Variants in ZFHX3 observed in about 807,000 individuals in gnomAD.
ZFHX3 encodes zinc finger homeobox protein 3.
In ZFHX3, 42 loss-of-function variants were observed where a neutral mutation model predicts 279.1. The ratio of observed to expected loss-of-function variants is 0.15; its 90% CI spans 0.12 to 0.19. The LOEUF (loss-of-function observed/expected upper bound fraction) is 0.19. Ranked by LOEUF, ZFHX3 falls within the 10% of genes least tolerant of loss-of-function variation. ZFHX3 has a pLI of 1.00. For synonymous variants in ZFHX3, 2,293 were observed against 1,957.8 expected, an observed-to-expected ratio of 1.17 and a Z score of -4.52; for missense variants, 4,981 against 4,754.0, an observed-to-expected ratio of 1.05 and a Z score of -1.40.
At chr16:73,703,411 A>T (rs1567556134) in intron 1 of ZFHX3, among the ~76,000 whole-genome samples, 1 of 152,210 alleles carries the variant, frequency 6.6e-6, no homozygotes. Flanking sequence ...TTAAAAGGAT[A>T]TATATTAATT....
intron 2 of ZFHX3, among the ~76,000 whole-genome samples, chr16:73,584,267 G>A (rs186637627): frequency 2.3e-4 from 35 of 152,246 alleles, no homozygotes; most frequent in African/African-American, 6.7e-4. Flanking sequence ...GACAAGTAAT[G>A]GAAGTCAGAT....
intron 2 of ZFHX3, among the ~76,000 whole-genome samples, chr16:73,462,045 G>T (rs911269281): frequency 6.6e-6 from 1 of 152,064 alleles, no homozygotes; most frequent in Non-Finnish European, 1.5e-5. Flanking sequence ...TATTTCATCA[G>T]CACTTTGCAG....
intron 5 of ZFHX3, among the ~76,000 whole-genome samples, chr16:73,149,816 G>A (rs901207062): frequency 1.3e-5 from 2 of 152,148 alleles, no homozygotes; most frequent in African/African-American, 4.8e-5. Flanking sequence ...ATTGTGCTAT[G>A]TAGACTCACA....
intron 2 of ZFHX3, among the ~76,000 whole-genome samples, chr16:73,470,277 G>C (rs79383016): frequency 1.3e-5 from 2 of 152,010 alleles, no homozygotes; most frequent in African/African-American, 4.8e-5. Context: ...AAGCTGTCTC[G>C]TCCTGTAATA....
intron 3 of ZFHX3, among the ~76,000 whole-genome samples, chr16:72,929,239 T>TAAAAAA (rs766113421): frequency 1.7e-5 from 2 of 116,884 alleles, no homozygotes; most frequent in Non-Finnish European, 3.7e-5. Flanking sequence ...AGACCCTGTC[T>TAAAAAA]AAAAAAAAAA....
intron 3 of ZFHX3, among the ~76,000 whole-genome samples, chr16:72,914,189 T>C (rs1272042164): frequency 6.6e-6 from 1 of 152,142 alleles, no homozygotes; most frequent in Non-Finnish European, 1.5e-5. Flanking sequence ...ACCATGTCAC[T>C]CCCACAGTGG....
At chr16:72,862,941 C>T (rs2037921923) in intron 4 of ZFHX3, among the ~76,000 whole-genome samples, 1 of 152,050 alleles carries the variant, frequency 6.6e-6, no homozygotes, top group African/African-American at 2.4e-5. Flanking sequence ...AACAAAGCAA[C>T]TATCAAAAAA....
chr16:73,027,491 GGGAATTT>G (rs1303273769), intron 1 of ZFHX3, among the ~76,000 whole-genome samples: 1 of 152,164 alleles, frequency 6.6e-6, no homozygotes, highest in East Asian at 1.9e-4. Context: ...GCCTTTTTAT[GGGAATTT>G]TTGCACAAAA....
At chr16:73,037,656 G>GA (rs144919379) in intron 1 of ZFHX3, among the ~76,000 whole-genome samples, 3,121 of 152,242 alleles carry the variant, frequency 0.021, 38 homozygotes, top group Non-Finnish European at 0.032. Flanking sequence ...GGAAACTCTA[G>GA]AATGCAACAC....
intron 7 of ZFHX3, among the ~76,000 whole-genome samples, chr16:72,806,513 A>G (rs561919746): frequency 3.9e-5 from 6 of 152,324 alleles, no homozygotes; most frequent in African/African-American, 1.4e-4. Flanking sequence ...ATCATCTCAC[A>G]GGGCTTGGAA....
intron 3 of ZFHX3, among the ~76,000 whole-genome samples, chr16:73,396,282 G>T (rs530248534): frequency 6.6e-6 from 1 of 152,332 alleles, no homozygotes; most frequent in African/African-American, 2.4e-5. Flanking sequence ...GCTTATTTAT[G>T]AATATCTTGC....
In ZFHX3 at chr16:72,788,089, GGCTGCTGCTGCTGCACTTTTTGCTGCT is replaced by G. The variant is rs780585284; in HGVS notation, c.10160_10186del (p.Gln3387_Gln3395del). On this transcript the variant is annotated inframe_deletion, in exon 10 of 10. Transcript: ENST00000268489. ...GGGGACTGGGGTTTGGCTTGCTTTG[GGCTGCTGCTGCTGCACTTTTTGCTGCT>G]GCTGCTGCTGTAGTTGCCGCTGCTG... The G allele has an allele frequency of 5.6e-6, 9 of 1,611,716 alleles. No homozygotes were observed. The highest frequency in any genetic ancestry group is 1.3e-5 in the African/African-American group (1 of 74,864).
intron 5 of ZFHX3, among the ~76,000 whole-genome samples, chr16:73,186,863 C>A (rs562884953): frequency 6.6e-6 from 1 of 152,288 alleles, no homozygotes; most frequent in Non-Finnish European, 1.5e-5. Context: ...ACTCCATTCT[C>A]CATTCTGTTG....
chr16:73,381,519 A>C (rs2143369436), intron 3 of ZFHX3, among the ~76,000 whole-genome samples: 1 of 152,348 alleles, frequency 6.6e-6, no homozygotes, highest in South Asian at 2.1e-4. Flanking sequence ...TTGGAATTTC[A>C]TCTATTACAA....
At chr16:73,173,008 GTTTTTTTTTTTT>G (rs869289153) in intron 5 of ZFHX3, among the ~76,000 whole-genome samples, 1 of 49,948 alleles carries the variant, frequency 2.0e-5, no homozygotes, top group Non-Finnish European at 3.2e-5. Context: ...TTTTTTTTTT[GTTTTTTTTTTTT>G]TTTTTTGGGA....
chr16:73,564,701 G>T (rs1268135088), intron 2 of ZFHX3, among the ~76,000 whole-genome samples: 1 of 152,112 alleles, frequency 6.6e-6, no homozygotes, highest in Non-Finnish European at 1.5e-5. Context: ...CTGTTTTCCA[G>T]CCTGACCCAC....
chr16:73,349,631 TCCC>T lies in ZFHX3; in HGVS notation c.-1290-31298_-1290-31296del, dbSNP rs1286042789. Among the ~76,000 whole-genome samples, 396 of 41,636 alleles carry T rather than the reference TCCC, an allele frequency of 9.5e-3. 34 individuals carry two copies. Among genetic ancestry groups the T allele is most frequent in the African/African-American group, 0.022 (295 of 13,696 alleles). The allele number at this position is 41,636 out of a possible 152,430, so 27.3% of individuals were successfully genotyped here. A position where few individuals can be genotyped will look rare whatever the true frequency, so the allele number is the denominator to read the frequency against. ...CTTACTTCCTCCCTCCCTTCCTCCC[TCCC>T]TCCCTCCCTCCCTCTCTCCCTCCTT... On this transcript the variant is annotated intron_variant, in intron 3 of 17. Transcript: ENST00000641206.
intron 4 of ZFHX3, among the ~76,000 whole-genome samples, chr16:73,258,603 C>T (rs1228691826): frequency 6.6e-6 from 1 of 152,172 alleles, no homozygotes; most frequent in East Asian, 1.9e-4. Context: ...CCACCTCAGC[C>T]TCCCAAAGTG....
chr16:73,353,762 G>C (rs1047233866), intron 3 of ZFHX3, among the ~76,000 whole-genome samples: 1 of 152,098 alleles, frequency 6.6e-6, no homozygotes, highest in African/African-American at 2.4e-5. Context: ...GAGGCAGGAG[G>C]AGAAAGGAAG....
Sources: gnomAD v4.1 joint callset for allele counts (sites outside exome capture counted in the v4.1 genomes callset) on GRCh38, gnomAD v4.1.1 for gene constraint, MANE v1.5 for transcripts, NCBI Gene and HGNC (gene_info 2026-07-23, HGNC 2026-07-21) for gene names.